FOXP2: variants seen among roughly 807,000 people sequenced by gnomAD.
The protein encoded by FOXP2 is forkhead box protein P2.
FOXP2 carries 12 observed loss-of-function variants against 115.8 expected under a neutral mutation model. That is an observed-to-expected ratio of 0.10 (90% confidence interval 0.07 to 0.17). The LOEUF (loss-of-function observed/expected upper bound fraction) is 0.17, where lower values mean the gene tolerates loss of function less well. Among genes scored for constraint, FOXP2 ranks in the 10% least tolerant of loss-of-function variants. The pLI is 1.00. For synonymous variants in FOXP2, 328 were observed against 297.7 expected (o/e 1.10, Z -1.05); for missense variants, 629 against 843.5 (o/e 0.75, Z 3.15).
intron 2 of FOXP2, among the ~76,000 whole-genome samples, chr7:114,293,255 CCTTT>C (rs1406072265): frequency 6.6e-6 from 1 of 152,050 alleles, no homozygotes; most frequent in Non-Finnish European, 1.5e-5. Context: ...TTTTGAGTTT[CCTTT>C]CTTTCTCCCT....
At chr7:114,381,434 A>G (rs1180709220) in intron 2 of FOXP2, among the ~76,000 whole-genome samples, 2 of 152,186 alleles carry the variant, frequency 1.3e-5, no homozygotes, top group Non-Finnish European at 2.9e-5. Flanking sequence ...GAATTGACTC[A>G]AGTCTTGGGC....
chr7:114,641,642 T>TTTTA (rs1045728283), intron 6 of FOXP2, among the ~76,000 whole-genome samples: 12 of 152,000 alleles, frequency 7.9e-5, no homozygotes, highest in Non-Finnish European at 1.3e-4. Flanking sequence ...TTGTTTTCCC[T>TTTTA]TTTATTTATT....
intron 2 of FOXP2, among the ~76,000 whole-genome samples, chr7:114,466,523 T>C (rs1214089480): frequency 6.6e-6 from 1 of 152,204 alleles, no homozygotes; most frequent in Admixed American, 6.5e-5. Flanking sequence ...CTTGTAAATC[T>C]TCAAACTTTG....
At chr7:114,219,372 T>C (rs571882167) in intron 1 of FOXP2, among the ~76,000 whole-genome samples, 3 of 152,174 alleles carry the variant, frequency 2.0e-5, no homozygotes, top group Non-Finnish European at 4.4e-5. Flanking sequence ...TAAAAGAGTA[T>C]GTTAATATAT....
intron 1 of FOXP2, among the ~76,000 whole-genome samples, chr7:114,196,333 A>G (rs1474605907): frequency 2.0e-5 from 3 of 152,194 alleles, no homozygotes; most frequent in Non-Finnish European, 4.4e-5. Flanking sequence ...AGGACCTTTT[A>G]TTAAATAATA....
At chr7:114,555,727 G>A (rs1362175582) in intron 3 of FOXP2, among the ~76,000 whole-genome samples, 1 of 152,138 alleles carries the variant, frequency 6.6e-6, no homozygotes, top group Non-Finnish European at 1.5e-5. Context: ...AACCCAGGAG[G>A]TGGAGGTTAC....
Position 114,692,254 on chromosome 7 carries a change from G to T in FOXP2, c.*2328G>T, listed in dbSNP as rs1230528851. ...GGTGGCCTAAGACTACAATGCTAAA[G>T]TATGCATACCTCAGTTAGAAAACTT... On this transcript the variant is annotated 3_prime_UTR_variant, in exon 17 of 17. Transcript: ENST00000350908. 9 of 453,834 alleles carry T rather than the reference G, an allele frequency of 2.0e-5. No individual in the cohort carries two copies. The highest frequency in any genetic ancestry group is 3.5e-5 in the Non-Finnish European group (8 of 226,730). 28.1% of individuals were successfully genotyped at this position (453,834 alleles called of 1,614,324 possible). A position where few individuals can be genotyped will look rare whatever the true frequency, so the allele number is the denominator to read the frequency against.
chr7:114,475,823 A>C (rs1244455055), intron 2 of FOXP2, among the ~76,000 whole-genome samples: 1 of 151,872 alleles, frequency 6.6e-6, no homozygotes, highest in Non-Finnish European at 1.5e-5. Flanking sequence ...ACTAATATCT[A>C]TATCTATCTA....
intron 3 of FOXP2, among the ~76,000 whole-genome samples, chr7:114,550,694 A>G (rs866730668): frequency 1.3e-5 from 2 of 152,310 alleles, no homozygotes; most frequent in South Asian, 4.1e-4. Flanking sequence ...GTTGGAAGCA[A>G]TGTGCATTAT....
intron 4 of FOXP2, 103 bp from the exon 5 acceptor site, chr7:114,629,702 T>A: frequency 1.2e-6 from 2 of 1,601,534 alleles, no homozygotes; most frequent in Non-Finnish European, 8.5e-7. Context: ...ATGGGATGAA[T>A]CTTAATGGAT....
At chr7:114,395,639 T>A (rs1186786403) in intron 2 of FOXP2, among the ~76,000 whole-genome samples, 1 of 152,162 alleles carries the variant, frequency 6.6e-6, no homozygotes, top group African/African-American at 2.4e-5. Flanking sequence ...AAAGATATTA[T>A]TACTAGTTTA....
At chr7:114,631,416 A>T (rs1006351201) in intron 5 of FOXP2, 112 bp from the exon 6 acceptor site, 19 of 1,529,018 alleles carry the variant, frequency 1.2e-5, no homozygotes, top group Admixed American at 3.9e-5. Context: ...TGACTATGGG[A>T]TGACCAAAAA....
chr7:114,408,158 T>A (rs968350801), intron 2 of FOXP2, among the ~76,000 whole-genome samples: 4 of 152,194 alleles, frequency 2.6e-5, no homozygotes, highest in Non-Finnish European at 5.9e-5. Context: ...ATCAAGTTAT[T>A]TTTATTTTTC....
chr7:114,249,790 T>G (rs13308479), intron 1 of FOXP2, among the ~76,000 whole-genome samples: 2 of 151,976 alleles, frequency 1.3e-5, no homozygotes, highest in Non-Finnish European at 2.9e-5. Context: ...TTTGTTTTTT[T>G]TTGTTTTTTT....
chr7:114,415,236 G>C lies in FOXP2; in HGVS notation c.-135G>C. On this transcript the variant is annotated 5_prime_UTR_variant, in exon 1 of 17. Transcript: ENST00000350908. ...TGGCTTTGACAGTGAGCTAGCTTCT[G>C]AGTTTTCCCTTCTTTTTATACTGTT... The C allele has an allele frequency of 6.6e-6, 3 of 453,858 alleles. No individual in the cohort carries two copies. The highest frequency in any genetic ancestry group is 4.7e-5 in the South Asian group (3 of 64,472). 28.1% of individuals were successfully genotyped at this position (453,858 alleles called of 1,614,324 possible). A position where few individuals can be genotyped will look rare whatever the true frequency, so the allele number is the denominator to read the frequency against.
intron 1 of FOXP2, among the ~76,000 whole-genome samples, chr7:114,210,429 C>G (rs1189672141): frequency 2.0e-5 from 3 of 152,088 alleles, no homozygotes; most frequent in Non-Finnish European, 4.4e-5. Context: ...GGGGTTTGCT[C>G]CAGACCCCAG....
chr7:114,512,644 G>A (rs1798131421), intron 2 of FOXP2, among the ~76,000 whole-genome samples: 1 of 152,146 alleles, frequency 6.6e-6, no homozygotes, highest in African/African-American at 2.4e-5. Flanking sequence ...AAGAAGGGAT[G>A]TCATCTTTTG....
chr7:114,505,947 T>TTA (rs1797797258), intron 2 of FOXP2, among the ~76,000 whole-genome samples: 1 of 151,608 alleles, frequency 6.6e-6, no homozygotes, highest in Non-Finnish European at 1.5e-5. Flanking sequence ...GAACATGTCT[T>TTA]TATATATACT....
chr7:114,288,475 G>A (rs1796516201), intron 2 of FOXP2, among the ~76,000 whole-genome samples: 1 of 151,724 alleles, frequency 6.6e-6, no homozygotes, highest in Non-Finnish European at 1.5e-5. Context: ...GGTCTTTTCA[G>A]TATTATTTTT....
Sources: gnomAD v4.1 joint callset for allele counts (sites outside exome capture counted in the v4.1 genomes callset) on GRCh38, gnomAD v4.1.1 for gene constraint, MANE v1.5 for transcripts, NCBI Gene and HGNC (gene_info 2026-07-23, HGNC 2026-07-21) for gene names.